The following HSD17B4 variants were observed in gnomAD, a reference collection of about 807,000 sequenced individuals.
The protein encoded by HSD17B4 is peroxisomal multifunctional enzyme type 2.
HSD17B4 carries 70 observed loss-of-function variants against 101.0 expected under a neutral mutation model. That is an observed-to-expected ratio of 0.69 (90% confidence interval 0.57 to 0.85). HSD17B4 has a LOEUF of 0.85. HSD17B4 is among the 40% of genes least tolerant of loss of function. The pLI is 0.00. For missense variants in HSD17B4, 984 were observed against 892.4 expected (o/e 1.10, Z -1.31); for synonymous variants, 347 against 297.1 (o/e 1.17, Z -1.73).
chr5:119,491,739 G>A (rs1004056135), intron 9 of HSD17B4, among the ~76,000 whole-genome samples: 5 of 152,056 alleles, frequency 3.3e-5, no homozygotes, highest in Admixed American at 2.0e-4. Context: ...TTGCTTCATG[G>A]TAACCACATG....
At chr5:119,531,770 T>C (rs1254122637) in intron 22 of HSD17B4, among the ~76,000 whole-genome samples, 4 of 152,164 alleles carry the variant, frequency 2.6e-5, no homozygotes, top group Non-Finnish European at 5.9e-5. Flanking sequence ...ATGAAGTATT[T>C]TTAAGTCATG....
chr5:119,539,073 A>G (rs143279911), intron 23 of HSD17B4, among the ~76,000 whole-genome samples: 29 of 152,296 alleles, frequency 1.9e-4, no homozygotes, highest in Admixed American at 1.6e-3. Context: ...AAACTTCTGC[A>G]TGTCAGACTC....
At chr5:119,497,981 A>G (rs761318911) in intron 12 of HSD17B4, among the ~76,000 whole-genome samples, 2 of 152,086 alleles carry the variant, frequency 1.3e-5, no homozygotes, top group Non-Finnish European at 2.9e-5. Flanking sequence ...AAGCATCGAT[A>G]TTGTATTTTA....
chr5:119,519,909 C>G (rs1752963755), intron 17 of HSD17B4, among the ~76,000 whole-genome samples: 1 of 152,128 alleles, frequency 6.6e-6, no homozygotes, highest in Admixed American at 6.5e-5. Flanking sequence ...CTTTTACATC[C>G]TCTGGTCTCA....
intron 20 of HSD17B4, among the ~76,000 whole-genome samples, chr5:119,528,090 A>G (rs1300881582): frequency 6.6e-6 from 1 of 152,256 alleles, no homozygotes; most frequent in African/African-American, 2.4e-5. Flanking sequence ...TTGAGAACCT[A>G]TAAACTGGCA....
intron 2 of HSD17B4, among the ~76,000 whole-genome samples, chr5:119,462,628 A>T (rs1755377157): frequency 1.3e-5 from 2 of 152,140 alleles, no homozygotes; most frequent in African/African-American, 4.8e-5. Context: ...CATGTTATGG[A>T]TACAATTCTC....
chr5:119,452,559 C>G lies in HSD17B4; in HGVS notation c.-17C>G. 1.2e-6 allele frequency: 2 copies of G among 1,613,938 alleles called. No individual in the cohort carries two copies. Among genetic ancestry groups the G allele is most frequent in the Non-Finnish European group, 1.7e-6 (2 of 1,179,990 alleles). The stretch of plus-strand genomic sequence containing the variant: ...CGGCTCTGCTTGTTCGTGTGTGTGT[C>G]GTTGCAGGCCTTATTCATGGGCTCA... On this transcript the variant is annotated 5_prime_UTR_variant, in exon 1 of 24. Transcript: ENST00000510025.
At chr5:119,517,310 C>A (rs116883002) in intron 17 of HSD17B4, among the ~76,000 whole-genome samples, 2 of 152,154 alleles carry the variant, frequency 1.3e-5, no homozygotes, top group Non-Finnish European at 2.9e-5. Context: ...GTGCTGTGCT[C>A]GATTTCTCGC....
intron 6 of HSD17B4, chr5:119,476,549 C>G: frequency 1.0e-6 from 1 of 984,698 alleles, no homozygotes; most frequent in Non-Finnish European, 1.2e-6. Context: ...GGGAATAGTG[C>G]CTGACTGTCT....
chr5:119,506,526 A>G (rs751818672), intron 14 of HSD17B4, among the ~76,000 whole-genome samples: 2 of 152,254 alleles, frequency 1.3e-5, no homozygotes, highest in Non-Finnish European at 2.9e-5. Context: ...CTTTGGGTAC[A>G]TACCCAGTAA....
intron 8 of HSD17B4, among the ~76,000 whole-genome samples, chr5:119,482,196 A>C (rs1489884485): frequency 6.6e-6 from 1 of 151,690 alleles, no homozygotes; most frequent in South Asian, 2.1e-4. Context: ...CATTTTTCTC[A>C]TTCTTTTTTT....
chr5:119,486,606 C>T (rs1013225576), intron 8 of HSD17B4, among the ~76,000 whole-genome samples: 1 of 151,986 alleles, frequency 6.6e-6, no homozygotes, highest in African/African-American at 2.4e-5. Flanking sequence ...TTTTAGGGCT[C>T]TAAGATTTAT....
Position 119,496,368 on chromosome 5 carries a change from C to G in HSD17B4, c.869-175C>G, listed in dbSNP as rs140150248. 1.7e-3 allele frequency among the ~76,000 whole-genome samples: 264 copies of G among 152,296 alleles called. 6 individuals carry two copies. The South Asian group carries it at 0.048, about 28-fold the overall frequency. On this transcript the variant is annotated intron_variant, in intron 11 of 23. Coordinates refer to ENST00000510025, the MANE Select transcript of HSD17B4 (RefSeq NM_000414.4). ...CCATTTATTTTTGGCCTATTTCAGT[C>G]TTTCGCAATTTTTTCCTTCAATAGC...
intron 6 of HSD17B4, chr5:119,476,420 C>G: frequency 4.0e-6 from 1 of 251,444 alleles, no homozygotes. Context: ...TCTTTTGCTC[C>G]TCTTTGTGCT....
chr5:119,487,468 T>C (rs1749712973), intron 8 of HSD17B4: 1 of 152,024 alleles, frequency 6.6e-6, no homozygotes, highest in South Asian at 2.1e-4. Context: ...ACTTCTCTGA[T>C]CTTTTATTTA....
At chr5:119,489,687 A>G (rs911775630) in intron 9 of HSD17B4, among the ~76,000 whole-genome samples, 20 of 152,172 alleles carry the variant, frequency 1.3e-4, no homozygotes, top group Non-Finnish European at 2.4e-4. Context: ...TGACAACTAC[A>G]AGTCATATTT....
At chr5:119,523,769 A>G (rs1753324801) in intron 17 of HSD17B4, among the ~76,000 whole-genome samples, 1 of 152,162 alleles carries the variant, frequency 6.6e-6, no homozygotes, top group East Asian at 1.9e-4. Flanking sequence ...TATTTATCAA[A>G]GATAATACCT....
At position 119,503,163 on chromosome 5, in the gene HSD17B4, G is replaced by A. The variant is rs953044446; in HGVS notation, c.1261+1071G>A. On this transcript the variant is annotated intron_variant, in intron 14 of 23. Transcript: ENST00000510025. ...TGGGGTGGTGGTGTTGGTGACAGTG[G>A]CTAGGAAGCTCCTTACATGTTTCAT... 4.0e-5 allele frequency among the ~76,000 whole-genome samples: 6 copies of A among 149,844 alleles called. No homozygotes were observed. In the East Asian group the frequency reaches 1.2e-3, roughly 31 times the overall value.
At chr5:119,474,077 A>C (rs950877728) in intron 3 of HSD17B4, 62 bp downstream of exon 3, 1 of 939,056 alleles carries the variant, frequency 1.1e-6, no homozygotes. Context: ...TTGTCACATT[A>C]ATAATCTTTG....
Sources: gnomAD v4.1 joint callset for allele counts (sites outside exome capture counted in the v4.1 genomes callset) on GRCh38, gnomAD v4.1.1 for gene constraint, MANE v1.5 for transcripts, NCBI Gene and HGNC (gene_info 2026-07-23, HGNC 2026-07-21) for gene names.